The following CCDC73 variants were observed in gnomAD, a reference collection of about 807,000 sequenced individuals.
CCDC73 encodes the protein coiled-coil domain containing 73.
Under a neutral mutation model 116.5 loss-of-function variants are expected in CCDC73, and 95 were observed. That is an observed-to-expected ratio of 0.82 (90% confidence interval 0.69 to 0.97). The LOEUF (loss-of-function observed/expected upper bound fraction) is 0.97. Among genes scored for constraint, CCDC73 ranks in the 50% least tolerant of loss-of-function variants. The probability of loss-of-function intolerance (pLI) is 0.00; values close to 1 mark genes in which losing one functional copy is unlikely to be tolerated. For synonymous variants in CCDC73, 398 were observed against 401.3 expected, an observed-to-expected ratio of 0.99 and a Z score of 0.10; for missense variants, 1,066 against 1,206.8, an observed-to-expected ratio of 0.88 and a Z score of 1.73.
In CCDC73 at chr11:32,613,911, C is replaced by T. The variant is rs760713150; in HGVS notation, c.2407G>A (p.Glu803Lys). Residue 803 changes from glutamate to lysine, a missense_variant, in exon 16 of 18, where the codon GAA becomes AAA. Transcript: ENST00000335185. ...KTAVHMKTCT[E>K]TEFSNKKNQI... ...TTCTTTTTATTGGAAAACTCTGTTT[C>T]TGTGCAAGTTTTCATGTGAACAGCA... 3 of 1,612,598 alleles carry T rather than the reference C, an allele frequency of 1.9e-6. No individual in the cohort carries two copies. The Admixed American group carries it at 5.0e-5, about 27-fold the overall frequency.
chr11:32,773,340 T>C (rs1409476639), intron 1 of CCDC73, among the ~76,000 whole-genome samples: 1 of 152,164 alleles, frequency 6.6e-6, no homozygotes, highest in Non-Finnish European at 1.5e-5. Context: ...GGTATTAAAA[T>C]GTTCTAAAAT....
intron 9 of CCDC73, among the ~76,000 whole-genome samples, chr11:32,666,599 T>G (rs1289320117): frequency 6.6e-6 from 1 of 152,216 alleles, no homozygotes; most frequent in Non-Finnish European, 1.5e-5. Flanking sequence ...TTGCGATGGG[T>G]TCGACCTTCC....
intron 6 of CCDC73, among the ~76,000 whole-genome samples, chr11:32,698,253 T>C (rs575581723): frequency 6.6e-6 from 1 of 152,098 alleles, no homozygotes; most frequent in South Asian, 2.1e-4. Context: ...CTCGATCTCC[T>C]GACCTCGTGA....
the CCDC73 span, among the ~76,000 whole-genome samples, chr11:32,801,283 C>A: frequency 1.3e-5 from 2 of 152,156 alleles, no homozygotes; most frequent in Non-Finnish European, 2.9e-5. Flanking sequence ...TTATATAAAT[C>A]AAGAGTTACT....
In CCDC73 at chr11:32,613,543, G is replaced by A. The variant is rs574814157; in HGVS notation, c.2775C>T (p.Thr925=). 5 of 1,613,932 alleles carry A rather than the reference G, an allele frequency of 3.1e-6. No homozygotes were observed. The highest frequency in any genetic ancestry group is 1.3e-5 in the African/African-American group (1 of 74,980). The change falls in exon 16 of 18, where the codon ACC becomes ACT. Residue 925 remains threonine (T), a synonymous_variant. Transcript: ENST00000335185. ...HIESQTASSS[T]PCISLLLKER... is the part of the protein sequence containing the mutation. ...CCTTCAGCAACAAAGAAATGCAAGGGGTCGAACTGCTCGCTGTTTGACTTT... is the reference window on the plus strand; with the variant it reads ...CCTTCAGCAACAAAGAAATGCAAGGAGTCGAACTGCTCGCTGTTTGACTTT...
intron 12 of CCDC73, among the ~76,000 whole-genome samples, chr11:32,652,558 C>T (rs1453602296): frequency 2.0e-5 from 3 of 152,162 alleles, no homozygotes; most frequent in Non-Finnish European, 2.9e-5. Context: ...ATGCGCCTGC[C>T]TCTGCTAGGG....
intron 2 of CCDC73, among the ~76,000 whole-genome samples, chr11:32,720,944 C>T (rs1263752647): frequency 1.3e-5 from 2 of 152,086 alleles, no homozygotes; most frequent in Non-Finnish European, 2.9e-5. Context: ...AAGACGTGTA[C>T]ATTTCATTGT....
intron 2 of CCDC73, chr11:32,758,671 T>A: frequency 4.1e-6 from 1 of 242,874 alleles, no homozygotes; most frequent in Non-Finnish European, 8.5e-6. Context: ...ATTCCTTTTC[T>A]AATCTGAAAT....
rs1208593847 is a variant in CCDC73 at position 32,688,759 on chromosome 11, G to A, written c.391-5185C>T. Among the ~76,000 whole-genome samples, 3 of 152,248 alleles carry A rather than the reference G, an allele frequency of 2.0e-5. No individual in the cohort carries two copies. The East Asian group carries it at 5.8e-4, about 29-fold the overall frequency. ...ATACTTTCAAAAGAAAAAAACTTAA[G>A]TGATTCTTAAAAACATTGTGGAATG... On this transcript the variant is annotated intron_variant, in intron 6 of 17. Transcript: ENST00000335185.
chr11:32,710,944 G>A (rs1228325262), intron 3 of CCDC73, among the ~76,000 whole-genome samples: 8 of 152,170 alleles, frequency 5.3e-5, no homozygotes, highest in Admixed American at 5.2e-4. Context: ...AACCCACAGA[G>A]TGGGAGAAAA....
At chr11:32,806,141 T>G in the CCDC73 span, among the ~76,000 whole-genome samples, 6 of 152,330 alleles carry the variant, frequency 3.9e-5, no homozygotes, top group South Asian at 1.2e-3. Context: ...TATGTGAACT[T>G]CCTGACTAAT....
In CCDC73 at chr11:32,602,870, T is replaced by C; in HGVS notation, c.3181A>G (p.Asn1061Asp). The C allele has an allele frequency of 6.2e-7, 1 of 1,611,906 alleles. No homozygotes were observed. The highest frequency in any genetic ancestry group is 8.5e-7 in the Non-Finnish European group (1 of 1,179,224). ...TCTGCTTTTCTTTTCTTTGGCTGGT[T>C]GTCATTTTCTAAACTTAGTAAATTT... ...SENLLSLEND[N>D]QPKKRKAEET... The change falls in exon 18 of 18, where the codon AAC becomes GAC. Residue 1061 changes from asparagine (N) to aspartate (D), a missense_variant. Transcript: ENST00000335185.
chr11:32,774,985 G>A (rs1367952107), intron 1 of CCDC73, among the ~76,000 whole-genome samples: 1 of 152,134 alleles, frequency 6.6e-6, no homozygotes, highest in African/African-American at 2.4e-5. Context: ...GGAAAAAGTG[G>A]TATCTATCTA....
chr11:32,616,166 G>A (rs1296596634), intron 14 of CCDC73, 37 bp from the exon 15 acceptor site: 1 of 1,520,518 alleles, frequency 6.6e-7, no homozygotes, highest in African/African-American at 1.4e-5. Flanking sequence ...TAAAAACATT[G>A]CCTACAAGTA....
intron 9 of CCDC73, among the ~76,000 whole-genome samples, chr11:32,658,009 T>C (rs1469673800): frequency 1.9e-4 from 12 of 63,130 alleles, no homozygotes; most frequent in South Asian, 5.3e-4. Flanking sequence ...ACCCACCCCC[T>C]ACCCTAGTCT....
intron 17 of CCDC73, among the ~76,000 whole-genome samples, chr11:32,610,262 A>T (rs1003870577): frequency 6.6e-6 from 1 of 152,170 alleles, no homozygotes; most frequent in Non-Finnish European, 1.5e-5. Context: ...CCCATGACAC[A>T]TGGGAACTGT....
At chr11:32,822,492 A>C in the CCDC73 span, among the ~76,000 whole-genome samples, 1 of 152,220 alleles carries the variant, frequency 6.6e-6, no homozygotes, top group Non-Finnish European at 1.5e-5. Flanking sequence ...AATGTCCTGG[A>C]ATAGTTTGAC....
chr11:32,749,621 T>C (rs1431867374), intron 2 of CCDC73, among the ~76,000 whole-genome samples: 1 of 152,084 alleles, frequency 6.6e-6, no homozygotes, highest in East Asian at 1.9e-4. Context: ...GGGTATTTTT[T>C]GTAGTCTTCA....
At chr11:32,615,499 T>C (rs1855465786) in intron 15 of CCDC73, among the ~76,000 whole-genome samples, 1 of 152,148 alleles carries the variant, frequency 6.6e-6, no homozygotes. Flanking sequence ...ACATTAATTT[T>C]ATTCATCTAT....
Sources: gnomAD v4.1 joint callset for allele counts (sites outside exome capture counted in the v4.1 genomes callset) on GRCh38, gnomAD v4.1.1 for gene constraint, MANE v1.5 for transcripts, NCBI Gene and HGNC (gene_info 2026-07-23, HGNC 2026-07-21) for gene names.